PCDHGA9: variants seen among roughly 807,000 people sequenced by gnomAD.
PCDHGA9 encodes protocadherin gamma-A9.
In PCDHGA9, 37 loss-of-function variants were observed where a neutral mutation model predicts 62.5. The observed-to-expected ratio is 0.59, with a 90% CI of 0.46 to 0.78. The LOEUF (loss-of-function observed/expected upper bound fraction) is 0.78. Among genes scored for constraint, PCDHGA9 ranks in the 30% least tolerant of loss-of-function variants. The pLI, the probability that PCDHGA9 is intolerant of heterozygous loss-of-function variation, is 0.00. For synonymous variants in PCDHGA9, 459 were observed against 484.6 expected (o/e 0.95, Z 0.69); for missense variants, 1,138 against 1,166.2 (o/e 0.98, Z 0.35).
intron 1 of PCDHGA9, chr5:141,428,289 G>A: frequency 1.4e-6 from 1 of 728,400 alleles, no homozygotes; most frequent in Non-Finnish European, 2.4e-6. Context: ...CCCAAGCAAA[G>A]CTGCAGATTT....
intron 1 of PCDHGA9, chr5:141,422,395 C>T: frequency 1.9e-6 from 3 of 1,596,286 alleles, no homozygotes; most frequent in South Asian, 1.1e-5. Context: ...TATTCCTAAC[C>T]ACCTGCCTTT....
intron 1 of PCDHGA9, among the ~76,000 whole-genome samples, chr5:141,442,784 A>C (rs1267270442): frequency 2.0e-5 from 3 of 152,212 alleles, no homozygotes; most frequent in Non-Finnish European, 4.4e-5. Flanking sequence ...ATTATATTTT[A>C]TAATTTTACT....
chr5:141,406,877 A>T (rs4912750), intron 1 of PCDHGA9, among the ~76,000 whole-genome samples: 9,155 of 152,322 alleles, frequency 0.06, 381 homozygotes, highest in Non-Finnish European at 0.089. Flanking sequence ...ACTGCTGGGA[A>T]GATTCTAAAA....
intron 1 of PCDHGA9, among the ~76,000 whole-genome samples, chr5:141,462,012 G>A (rs1046109009): frequency 9.9e-5 from 15 of 152,128 alleles, no homozygotes; most frequent in Admixed American, 5.9e-4. Context: ...TAATAGAGAC[G>A]GGGTTTCTTC....
Position 141,414,286 on chromosome 5 carries a change from G to T in PCDHGA9, c.2424+8910G>T, listed in dbSNP as rs2095728607. On this transcript the variant is annotated intron_variant, in intron 1 of 3. Transcript: ENST00000573521. Reference sequence around the variant, plus strand: ...AGATTCACCTCTGGGAACAGTCGTAGCCCTTTTAAATGTGCATGATTTAGA... The same window carrying T: ...AGATTCACCTCTGGGAACAGTCGTATCCCTTTTAAATGTGCATGATTTAGA... 1.2e-6 allele frequency: 2 copies of T among 1,613,466 alleles called. No homozygotes were observed. The highest frequency in any genetic ancestry group is 1.7e-6 in the Non-Finnish European group (2 of 1,179,778).
At chr5:141,469,671 A>T (rs1285283342) in intron 1 of PCDHGA9, among the ~76,000 whole-genome samples, 3 of 152,236 alleles carry the variant, frequency 2.0e-5, no homozygotes, top group Admixed American at 1.3e-4. Flanking sequence ...TTCTAATAAA[A>T]CTACATATGC....
chr5:141,422,678 A>G, intron 1 of PCDHGA9: 1 of 1,606,250 alleles, frequency 6.2e-7, no homozygotes, highest in Non-Finnish European at 8.5e-7. Flanking sequence ...GACAGCAAAC[A>G]GAATGCCCTG....
In PCDHGA9 at chr5:141,486,866, G is replaced by A; in HGVS notation, c.2425-7941G>A. Reference sequence around the variant, plus strand: ...GGACCTCAATGACAATGCTCCAGCTGTGCTCCGTCCTCGGGCCCGGCCTGG... The same window carrying A: ...GGACCTCAATGACAATGCTCCAGCTATGCTCCGTCCTCGGGCCCGGCCTGG... On this transcript the variant is annotated intron_variant, in intron 1 of 3. Transcript: ENST00000573521. The surrounding 1 kb of genome is among the most constrained non-coding windows in gnomAD (Gnocchi z 5.0). 6.2e-7 allele frequency: 1 copy of A among 1,614,202 alleles called. No homozygotes were observed. The highest frequency in any genetic ancestry group is 8.5e-7 in the Non-Finnish European group (1 of 1,180,038).
chr5:141,408,870 G>A (rs780987841), intron 1 of PCDHGA9: 1 of 1,613,656 alleles, frequency 6.2e-7, no homozygotes, highest in South Asian at 1.1e-5. Context: ...CCACCAAGAA[G>A]TGCCACCGCT....
rs1329158220 is a variant in PCDHGA9, at chr5:141,413,339, A to G, written c.2424+7963A>G. On this transcript the variant is annotated intron_variant, in intron 1 of 3. Coordinates refer to ENST00000573521, the MANE Select transcript of PCDHGA9 (RefSeq NM_018921.3). Reference sequence around the variant, plus strand: ...TCTTTCGTGGGCAACATCTCCAAGGACTTGGGTCTGGCGCCCCGGGAGCTG... The same window carrying G: ...TCTTTCGTGGGCAACATCTCCAAGGGCTTGGGTCTGGCGCCCCGGGAGCTG... The G allele has an allele frequency of 1.3e-5, 21 of 1,613,832 alleles. No individual in the cohort carries two copies. Among genetic ancestry groups the G allele is most frequent in the African/African-American group, 2.7e-5 (2 of 74,940 alleles).
In PCDHGA9 at chr5:141,512,926, T is replaced by C. The variant is rs1438111849; in HGVS notation, c.*1753T>C. The C allele has an allele frequency of 6.6e-6, 1 of 152,216 alleles. No homozygotes were observed. The highest frequency in any genetic ancestry group is 1.5e-5 in the Non-Finnish European group (1 of 68,048). 9.4% of individuals were successfully genotyped at this position (152,216 alleles called of 1,614,324 possible). A position where few individuals can be genotyped will look rare whatever the true frequency, so the allele number is the denominator to read the frequency against. On this transcript the variant is annotated 3_prime_UTR_variant, in exon 4 of 4. Coordinates refer to ENST00000573521, the MANE Select transcript of PCDHGA9 (RefSeq NM_018921.3). ...CGCAAGTTTTATACTCTAATATTTA[T>C]ATGGCTTTTTTTCTTCGACAAAAAA...
chr5:141,494,844 C>T lies in PCDHGA9; in HGVS notation c.2462C>T (p.Ala821Val). The change falls in exon 2 of 4, where the codon GCC becomes GTC. Residue 821 changes from alanine to valine, a missense_variant. Ala to Val is a moderately conservative substitution (Grantham distance 64). Coordinates refer to ENST00000573521, the MANE Select transcript of PCDHGA9 (RefSeq NM_018921.3). ...PPNTDWRFSQ[A>V]QRPGTSGSQN... The stretch of plus-strand genomic sequence containing the variant: ...AACACGGACTGGCGTTTCTCTCAGG[C>T]CCAGAGACCCGGCACCAGCGGGTAG... The T allele has an allele frequency of 6.2e-7, 1 of 1,614,190 alleles. No homozygotes were observed. The highest frequency in any genetic ancestry group is 8.5e-7 in the Non-Finnish European group (1 of 1,180,028).
rs370284141 is a variant in PCDHGA9, at chr5:141,421,654, G to A, written c.2424+16278G>A. On this transcript the variant is annotated intron_variant, in intron 1 of 3. Coordinates refer to ENST00000573521, the MANE Select transcript of PCDHGA9 (RefSeq NM_018921.3). ...CCAGGAGGACGAAGTGGAGATAAAA[G>A]TCAGTGAGCACGCAATTCCTGGGGC... The A allele has an allele frequency of 3.5e-5, 57 of 1,613,746 alleles. No individual in the cohort carries two copies. Among genetic ancestry groups the A allele is most frequent in the Admixed American group, 5.0e-5 (3 of 59,974 alleles).
rs1018272442 is a variant in PCDHGA9 at position 141,419,770 on chromosome 5, G to T, written c.2424+14394G>T. The stretch of plus-strand genomic sequence containing the variant: ...TGCGTGCTTTGGGTGACAAGGACTC[G>T]GTCCGCCAGCGCCTGCTAGTCGCTG... On this transcript the variant is annotated intron_variant, in intron 1 of 3. Transcript: ENST00000573521. 6.2e-6 allele frequency: 10 copies of T among 1,613,888 alleles called. No homozygotes were observed. The African/African-American group carries it at 1.2e-4, about 19-fold the overall frequency.
chr5:141,461,072 A>C (rs555905734), intron 1 of PCDHGA9, among the ~76,000 whole-genome samples: 1 of 151,688 alleles, frequency 6.6e-6, no homozygotes, highest in African/African-American at 2.4e-5. Context: ...ACATTTTTGC[A>C]ATTGTGAATT....
intron 1 of PCDHGA9, chr5:141,415,000 T>G: frequency 6.2e-7 from 1 of 1,613,660 alleles, no homozygotes; most frequent in Non-Finnish European, 8.5e-7. Context: ...CGCCTGGCTG[T>G]CCTACCGTCT....
In PCDHGA9 at chr5:141,403,102, G is replaced by A. The variant is rs765706858; in HGVS notation, c.150G>A (p.Lys50=). 15 of 1,613,928 alleles carry A rather than the reference G, an allele frequency of 9.3e-6. No homozygotes were observed. Among genetic ancestry groups the A allele is most frequent in the Non-Finnish European group, 1.3e-5 (15 of 1,179,910 alleles). Residue 50 remains lysine, a synonymous_variant, in exon 1 of 4, where the codon AAG becomes AAA. Coordinates refer to ENST00000573521, the MANE Select transcript of PCDHGA9 (RefSeq NM_018921.3). Reference sequence around the variant, plus strand: ...GCTATATTGTGGGCAACATCTCCAAGGACCTGGCTCTGGAGCCCCGGGAGC... The same window carrying A: ...GCTATATTGTGGGCAACATCTCCAAAGACCTGGCTCTGGAGCCCCGGGAGC... ...EKGYIVGNIS[K]DLALEPRELA...
At chr5:141,433,699 T>C (rs2097645911) in intron 1 of PCDHGA9, among the ~76,000 whole-genome samples, 1 of 152,082 alleles carries the variant, frequency 6.6e-6, no homozygotes, top group Non-Finnish European at 1.5e-5. Flanking sequence ...TAGCCGGGCG[T>C]GGTGGTGCAT....
chr5:141,485,607 C>T lies in PCDHGA9; in HGVS notation c.2425-9200C>T. On this transcript the variant is annotated intron_variant, in intron 1 of 3. Coordinates refer to ENST00000573521, the MANE Select transcript of PCDHGA9 (RefSeq NM_018921.3). The surrounding 1 kb of genome is among the most constrained non-coding windows in gnomAD (Gnocchi z 5.7). ...CAGCTGGACTTGGAAATTGGGGAGG[C>T]AGCTCCTCCAGGACAGCGTTTCCCG... is the stretch of plus-strand genomic sequence containing the variant. 1 of 1,612,008 alleles carries T rather than the reference C, an allele frequency of 6.2e-7. No individual in the cohort carries two copies. The highest frequency in any genetic ancestry group is 8.5e-7 in the Non-Finnish European group (1 of 1,178,534).
Sources: gnomAD v4.1 joint callset for allele counts (sites outside exome capture counted in the v4.1 genomes callset) on GRCh38, gnomAD v4.1.1 for gene constraint, Gnocchi (gnomAD v3.1) non-coding constraint, MANE v1.5 for transcripts, NCBI Gene and HGNC (gene_info 2026-07-23, HGNC 2026-07-21) for gene names.